CSMD3: variants seen among roughly 807,000 people sequenced by gnomAD.
The protein encoded by CSMD3 is CUB and Sushi multiple domains 3.
In CSMD3, 177 loss-of-function variants were observed where a neutral mutation model predicts 435.2. The ratio of observed to expected loss-of-function variants is 0.41; its 90% CI spans 0.36 to 0.46. The LOEUF (loss-of-function observed/expected upper bound fraction) is 0.46, where lower values mean the gene tolerates loss of function less well. CSMD3 is among the 20% of genes least tolerant of loss of function. The pLI is 0.34. For missense variants in CSMD3, 4,265 were observed against 4,504.6 expected (o/e 0.95, Z 1.52); for synonymous variants, 1,656 against 1,520.5 (o/e 1.09, Z -2.07).
At chr8:112,723,746 C>G (rs74741012) in intron 13 of CSMD3, among the ~76,000 whole-genome samples, 27 of 152,076 alleles carry the variant, frequency 1.8e-4, no homozygotes, top group African/African-American at 6.5e-4. Flanking sequence ...TTAGAAATCA[C>G]GGAGACCTAG....
chr8:112,495,742 T>C (rs747345339), intron 30 of CSMD3, among the ~76,000 whole-genome samples: 1 of 152,146 alleles, frequency 6.6e-6, no homozygotes, highest in Non-Finnish European at 1.5e-5. Flanking sequence ...TTTTTATGCA[T>C]AATTAATTTT....
intron 47 of CSMD3, 145 bp from the exon 48 acceptor site, chr8:112,314,762 T>C (rs1205894137): frequency 3.0e-6 from 2 of 674,536 alleles, no homozygotes; most frequent in African/African-American, 3.6e-5. Flanking sequence ...ACAAGTTGTA[T>C]TAAACTTATG....
At chr8:112,263,615 G>A (rs1179680137) in intron 61 of CSMD3, 24 bp downstream of exon 61, 4 of 1,606,904 alleles carry the variant, frequency 2.5e-6, no homozygotes, top group Middle Eastern at 1.7e-4. Context: ...TTAAGTAACA[G>A]TTGTTAGTAG....
chr8:112,621,842 C>T (rs1035711340), intron 22 of CSMD3, among the ~76,000 whole-genome samples: 5 of 152,098 alleles, frequency 3.3e-5, no homozygotes, highest in African/African-American at 1.2e-4. Context: ...TATCTATATG[C>T]TAATATCCTG....
chr8:113,236,336 T>G (rs1178292498), intron 3 of CSMD3, among the ~76,000 whole-genome samples: 1 of 152,110 alleles, frequency 6.6e-6, no homozygotes, highest in South Asian at 2.1e-4. Context: ...CCTCTCAGAG[T>G]GTACTTTTGC....
chr8:113,293,245 A>ATG (rs974081636), intron 2 of CSMD3, among the ~76,000 whole-genome samples: 5 of 150,580 alleles, frequency 3.3e-5, no homozygotes, highest in Non-Finnish European at 5.9e-5. Flanking sequence ...ACATATATAT[A>ATG]TATGATTCCT....
At chr8:112,790,818 A>G (rs1251071328) in intron 13 of CSMD3, among the ~76,000 whole-genome samples, 1 of 152,160 alleles carries the variant, frequency 6.6e-6, no homozygotes, top group Non-Finnish European at 1.5e-5. Flanking sequence ...TCTGCTTATA[A>G]TCTTTTTCTT....
intron 13 of CSMD3, among the ~76,000 whole-genome samples, chr8:112,713,521 A>G (rs1403943625): frequency 6.6e-6 from 1 of 152,070 alleles, no homozygotes; most frequent in Non-Finnish European, 1.5e-5. Context: ...TATCCAGGAG[A>G]ACTTCCCCAT....
rs985255390 is a variant in CSMD3, at chr8:113,165,851, A to T, written c.709+7871T>A. ...TAAATAGTTGTGTGAATGAAAGAAA[A>T]CACAACTCACAAATGCAAAATGGGG... On this transcript the variant is annotated intron_variant, in intron 4 of 70. Transcript: ENST00000297405. 2.6e-5 allele frequency among the ~76,000 whole-genome samples: 4 copies of T among 152,214 alleles called. No homozygotes were observed. In the South Asian group the frequency reaches 6.2e-4, roughly 24 times the overall value.
At chr8:113,004,695 T>C (rs552750368) in intron 6 of CSMD3, among the ~76,000 whole-genome samples, 2 of 151,976 alleles carry the variant, frequency 1.3e-5, no homozygotes, top group Admixed American at 1.3e-4. Context: ...AAAATTGAAG[T>C]CTGTGAAAGA....
chr8:112,824,384 T>C (rs984151608), intron 12 of CSMD3, among the ~76,000 whole-genome samples: 1 of 152,158 alleles, frequency 6.6e-6, no homozygotes, highest in African/African-American at 2.4e-5. Context: ...ACTGTTGCAG[T>C]TTCTTCATAG....
chr8:112,763,583 A>C, intron 13 of CSMD3, among the ~76,000 whole-genome samples: 1 of 147,588 alleles, frequency 6.8e-6, no homozygotes, highest in African/African-American at 2.5e-5. Context: ...ATGCTAAAAT[A>C]ATGCATCCTA....
At chr8:112,252,488 CT>C in intron 63 of CSMD3, among the ~76,000 whole-genome samples, 1 of 151,904 alleles carries the variant, frequency 6.6e-6, no homozygotes, top group Middle Eastern at 3.4e-3. Flanking sequence ...TGCCTTTAGG[CT>C]TTAAGTAGCT....
chr8:112,998,872 A>G (rs2085754789), intron 6 of CSMD3, among the ~76,000 whole-genome samples: 1 of 151,874 alleles, frequency 6.6e-6, no homozygotes, highest in African/African-American at 2.4e-5. Context: ...TGCTCTGGCC[A>G]TGTAAGACAC....
intron 4 of CSMD3, among the ~76,000 whole-genome samples, chr8:113,171,127 T>C (rs776052918): frequency 6.6e-6 from 1 of 152,032 alleles, no homozygotes; most frequent in Non-Finnish European, 1.5e-5. Flanking sequence ...AGGGAGGAAA[T>C]AGTAACAGGT....
At chr8:112,914,793 A>G (rs917488673) in intron 10 of CSMD3, among the ~76,000 whole-genome samples, 1 of 151,874 alleles carries the variant, frequency 6.6e-6, no homozygotes, top group Non-Finnish European at 1.5e-5. Context: ...ACATAGCAAC[A>G]GACATTCTAA....
intron 61 of CSMD3, 78 bp downstream of exon 61, chr8:112,263,561 G>T (rs2130377511): frequency 1.7e-6 from 2 of 1,175,544 alleles, no homozygotes; most frequent in Non-Finnish European, 2.5e-6. Context: ...GGCATTGAAG[G>T]AAGCTTAACA....
chr8:112,769,657 A>T (rs1038302771), intron 13 of CSMD3, among the ~76,000 whole-genome samples: 4 of 151,954 alleles, frequency 2.6e-5, no homozygotes, highest in Non-Finnish European at 5.9e-5. Flanking sequence ...CACCTCAATA[A>T]TTACACTTTT....
chr8:113,393,681 A>G (rs535840725), intron 1 of CSMD3, among the ~76,000 whole-genome samples: 5 of 152,264 alleles, frequency 3.3e-5, no homozygotes, highest in Admixed American at 1.3e-4. Flanking sequence ...GTTAACAAAC[A>G]CAACTTGGAA....
Sources: allele counts gnomAD v4.1 joint callset (sites outside exome capture counted in the v4.1 genomes callset), GRCh38; gene constraint gnomAD v4.1.1; transcripts MANE v1.5; gene names NCBI Gene and HGNC (gene_info 2026-07-23, HGNC 2026-07-21).